UBAC2: variants seen among roughly 807,000 people sequenced by gnomAD.
UBAC2 encodes ubiquitin-associated domain-containing protein 2.
A neutral mutation model predicts 44.0 loss-of-function variants in UBAC2; 26 were observed. The ratio of observed to expected loss-of-function variants is 0.59; its 90% CI spans 0.43 to 0.82. The LOEUF (loss-of-function observed/expected upper bound fraction) is 0.82. UBAC2 is among the 40% of genes least tolerant of loss of function. The pLI is 0.00. For synonymous variants in UBAC2, 155 were observed against 154.3 expected (o/e 1.00, Z -0.04); for missense variants, 329 against 419.4 (o/e 0.78, Z 1.88).
At chr13:99,247,193 CTG>C (rs2043394178) in intron 4 of UBAC2, among the ~76,000 whole-genome samples, 1 of 47,168 alleles carries the variant, frequency 2.1e-5, no homozygotes, top group Admixed American at 1.9e-4. Context: ...GAGAAAACTA[CTG>C]TTTTTTTTTT....
chr13:99,244,481 A>G (rs1172482870), intron 3 of UBAC2, 34 bp from the exon 4 acceptor site: 2 of 1,436,484 alleles, frequency 1.4e-6, no homozygotes, highest in South Asian at 1.2e-5. Flanking sequence ...TAGGAGACTC[A>G]TCTCTATCAT....
intron 1 of UBAC2, among the ~76,000 whole-genome samples, chr13:99,207,067 C>T (rs1263321591): frequency 6.6e-6 from 1 of 152,248 alleles, no homozygotes; most frequent in African/African-American, 2.4e-5. Flanking sequence ...CTCTCTCCTG[C>T]AGGAATGAGC....
intron 6 of UBAC2, among the ~76,000 whole-genome samples, chr13:99,328,489 C>T (rs922186363): frequency 9.2e-5 from 14 of 152,234 alleles, no homozygotes; most frequent in African/African-American, 3.4e-4. Context: ...AAATTCTCTA[C>T]ACCCTTGTCA....
At chr13:99,274,623 C>T (rs1355642553) in intron 4 of UBAC2, among the ~76,000 whole-genome samples, 1 of 152,092 alleles carries the variant, frequency 6.6e-6, no homozygotes, top group African/African-American at 2.4e-5. Context: ...ACGTGCCTGG[C>T]CTCATAATAC....
intron 4 of UBAC2, among the ~76,000 whole-genome samples, chr13:99,311,702 A>G (rs1175929838): frequency 1.3e-5 from 2 of 152,226 alleles, no homozygotes; most frequent in South Asian, 2.1e-4. Context: ...TGTATAGTCA[A>G]TTCAAATGTG....
At chr13:99,352,469 C>T (rs961458087) in intron 7 of UBAC2, among the ~76,000 whole-genome samples, 2 of 152,164 alleles carry the variant, frequency 1.3e-5, no homozygotes, top group Non-Finnish European at 2.9e-5. Context: ...CTGAGCTTCA[C>T]GTTTCTGAGG....
At chr13:99,352,784 G>A in intron 7 of UBAC2, among the ~76,000 whole-genome samples, 1 of 144,896 alleles carries the variant, frequency 6.9e-6, no homozygotes, top group Non-Finnish European at 1.6e-5. Context: ...ACAGTGAAAT[G>A]TGATGGTCAC....
intron 1 of UBAC2, among the ~76,000 whole-genome samples, chr13:99,203,893 A>G (rs902467438): frequency 6.6e-6 from 1 of 151,572 alleles, no homozygotes; most frequent in Non-Finnish European, 1.5e-5. Context: ...TTCAGACACA[A>G]TGCAGTTGAA....
chr13:99,264,510 T>C (rs148617491), intron 4 of UBAC2, among the ~76,000 whole-genome samples: 204 of 152,326 alleles, frequency 1.3e-3, no homozygotes, highest in Non-Finnish European at 2.3e-3. Context: ...TTTTTTTCTT[T>C]GTAGCTTATT....
Position 99,385,230 on chromosome 13 carries a change from C to A in UBAC2, c.930C>A (p.Val310=), listed in dbSNP as rs1183487347. The change falls in exon 9 of 9, where the codon GTC becomes GTA. Residue 310 remains valine (V), a splice_region_variant and synonymous_variant. Coordinates refer to ENST00000403766, the MANE Select transcript of UBAC2 (RefSeq NM_001144072.2). ...TTCTGCGTTTTCTCTGCCTGCAGGT[C>A]GCCCGGCTCATGGAGATGGGATTTT... ...APPLEVSEEQ[V]ARLMEMGFSR... 1.2e-5 allele frequency: 19 copies of A among 1,613,252 alleles called. No homozygotes were observed. Among genetic ancestry groups the A allele is most frequent in the Non-Finnish European group, 1.6e-5 (19 of 1,179,330 alleles).
intron 2 of UBAC2, among the ~76,000 whole-genome samples, chr13:99,240,711 T>C (rs373965776): frequency 1.3e-5 from 2 of 152,102 alleles, no homozygotes. Flanking sequence ...CTGTTTCTCC[T>C]TGAGCCCAGC....
At chr13:99,255,614 A>G (rs760134164) in intron 4 of UBAC2, 3 of 1,614,204 alleles carry the variant, frequency 1.9e-6, no homozygotes, top group Admixed American at 3.3e-5. Context: ...CCAAATGGCC[A>G]TTCATCTTTT....
chr13:99,278,943 G>T (rs2043918696), intron 4 of UBAC2, among the ~76,000 whole-genome samples: 1 of 152,134 alleles, frequency 6.6e-6, no homozygotes, highest in South Asian at 2.1e-4. Flanking sequence ...AGTTTGCAGA[G>T]AATTATATTT....
At chr13:99,367,938 T>C in intron 8 of UBAC2, 32 bp downstream of exon 8, 1 of 1,598,442 alleles carries the variant, frequency 6.3e-7, no homozygotes. Context: ...GTACTCATTC[T>C]AAATCCATGT....
At chr13:99,263,666 C>T (rs983578494) in intron 4 of UBAC2, among the ~76,000 whole-genome samples, 8 of 152,164 alleles carry the variant, frequency 5.3e-5, no homozygotes, top group Admixed American at 5.2e-4. Context: ...ACACATGCTG[C>T]GTACCAGGAG....
intron 4 of UBAC2, among the ~76,000 whole-genome samples, chr13:99,266,684 A>AAT (rs553514609): frequency 9.0e-4 from 136 of 151,356 alleles, no homozygotes; most frequent in South Asian, 5.0e-3. Flanking sequence ...TGACATGTTA[A>AAT]ATATATATAT....
chr13:99,259,728 T>G (rs923673851), intron 4 of UBAC2, among the ~76,000 whole-genome samples: 1 of 152,246 alleles, frequency 6.6e-6, no homozygotes, highest in Admixed American at 6.5e-5. Context: ...TCTGCCTGCA[T>G]GCAGACCTAA....
At chr13:99,370,817 T>G (rs1186563581) in intron 8 of UBAC2, among the ~76,000 whole-genome samples, 1 of 152,030 alleles carries the variant, frequency 6.6e-6, no homozygotes, top group Non-Finnish European at 1.5e-5. Flanking sequence ...ACAGGTGGAG[T>G]ATGGAGCCAC....
chr13:99,303,674 T>G (rs906580814), intron 4 of UBAC2, among the ~76,000 whole-genome samples: 1 of 152,216 alleles, frequency 6.6e-6, no homozygotes, highest in Admixed American at 6.5e-5. Context: ...GTCTATAATA[T>G]TTCTCCTCTG....
Sources: allele counts gnomAD v4.1 joint callset (sites outside exome capture counted in the v4.1 genomes callset), GRCh38; gene constraint gnomAD v4.1.1; transcripts MANE v1.5; gene names NCBI Gene and HGNC (gene_info 2026-07-23, HGNC 2026-07-21).